AGBL4: variants seen among roughly 807,000 people sequenced by gnomAD.
AGBL4 encodes the protein AGBL carboxypeptidase 4.
Under a neutral mutation model 66.4 loss-of-function variants are expected in AGBL4, and 58 were observed. The ratio of observed to expected loss-of-function variants is 0.87; its 90% CI spans 0.71 to 1.09. The LOEUF (loss-of-function observed/expected upper bound fraction) is 1.09, where lower values mean the gene tolerates loss of function less well. AGBL4 is among the 50% of genes least tolerant of loss of function. AGBL4 has a pLI of 0.00. For synonymous variants in AGBL4, 234 were observed against 222.9 expected, an observed-to-expected ratio of 1.05 and a Z score of -0.44; for missense variants, 579 against 631.0, an observed-to-expected ratio of 0.92 and a Z score of 0.88.
chr1:48,528,405 G>T (rs185106972), downstream of AGBL4, among the ~76,000 whole-genome samples: 5 of 152,178 alleles, frequency 3.3e-5, no homozygotes, highest in Non-Finnish European at 5.9e-5. Context: ...ATTGACATGG[G>T]GTCAGCTAAA....
Position 48,641,869 on chromosome 1 carries a change from T to G in AGBL4, c.840-7265A>C, listed in dbSNP as rs527992543. The stretch of plus-strand genomic sequence containing the variant: ...TCAGGTAAGAGCCTAATAGAGGGAC[T>G]GTCCCTCATGTGCAGTGAGAGGTAG... On this transcript the variant is annotated intron_variant, in intron 8 of 13. Coordinates refer to ENST00000371839, the MANE Select transcript of AGBL4 (RefSeq NM_032785.4). 1.6e-4 allele frequency among the ~76,000 whole-genome samples: 24 copies of G among 152,330 alleles called. No individual in the cohort carries two copies. The East Asian group carries it at 4.4e-3, about 28-fold the overall frequency.
intron 3 of AGBL4, among the ~76,000 whole-genome samples, chr1:49,327,049 C>G (rs1347521500): frequency 6.6e-6 from 1 of 152,150 alleles, no homozygotes; most frequent in African/African-American, 2.4e-5. Flanking sequence ...CTCTCTCTCT[C>G]TGGCCTTTCT....
intron 7 of AGBL4, 116 bp from the exon 8 acceptor site, chr1:48,653,567 A>G (rs1282173490): frequency 2.8e-6 from 2 of 704,538 alleles, no homozygotes; most frequent in Non-Finnish European, 2.5e-6. Flanking sequence ...CTGTGTTGTT[A>G]TTGGCCACTG....
intron 6 of AGBL4, among the ~76,000 whole-genome samples, chr1:48,751,188 A>G (rs1014720658): frequency 1.3e-5 from 2 of 152,180 alleles, no homozygotes; most frequent in Non-Finnish European, 2.9e-5. Context: ...GAATTGTCCA[A>G]TTGGTATCTT....
intron 5 of AGBL4, among the ~76,000 whole-genome samples, chr1:49,006,520 C>A (rs1372888965): frequency 2.0e-5 from 3 of 152,212 alleles, no homozygotes; most frequent in Non-Finnish European, 4.4e-5. Context: ...TGGGTGGAGC[C>A]CACCACAGCT....
intron 3 of AGBL4, among the ~76,000 whole-genome samples, chr1:49,548,057 C>T (rs998235106): frequency 6.6e-6 from 1 of 152,150 alleles, no homozygotes; most frequent in African/African-American, 2.4e-5. Flanking sequence ...CAGGCATGAG[C>T]CACTATACCT....
intron 3 of AGBL4, among the ~76,000 whole-genome samples, chr1:49,499,031 T>C (rs2148759515): frequency 6.6e-6 from 1 of 152,182 alleles, no homozygotes; most frequent in African/African-American, 2.4e-5. Context: ...TCTCTGACAG[T>C]GTCCTTGTAT....
intron 5 of AGBL4, among the ~76,000 whole-genome samples, chr1:48,996,887 T>G (rs1661055404): frequency 6.8e-6 from 1 of 146,992 alleles, no homozygotes; most frequent in African/African-American, 2.6e-5. Flanking sequence ...ATATAAAATA[T>G]TATTGCTAAT....
rs532206814 is a variant in AGBL4 at position 49,904,144 on chromosome 1, A to T, written c.35-52626T>A. ...CTTTCCACTGTATCATACTAAATCC[A>T]TTCATATGGATACTTTTCTTCACCT... is the stretch of plus-strand genomic sequence containing the variant. On this transcript the variant is annotated intron_variant, in intron 1 of 13. Coordinates refer to ENST00000371839, the MANE Select transcript of AGBL4 (RefSeq NM_032785.4). 2.8e-4 allele frequency among the ~76,000 whole-genome samples: 43 copies of T among 152,270 alleles called. No homozygotes were observed. The South Asian group carries it at 8.3e-3, about 29-fold the overall frequency.
chr1:50,007,700 A>G (rs1010067409), intron 1 of AGBL4, among the ~76,000 whole-genome samples: 2 of 152,210 alleles, frequency 1.3e-5, no homozygotes, highest in Non-Finnish European at 2.9e-5. Context: ...CCAGGATGTC[A>G]AGACTGAGTG....
chr1:50,023,738 C>A (rs1003607034), intron 1 of AGBL4, 25 bp downstream of exon 1: 16 of 1,546,132 alleles, frequency 1.0e-5, no homozygotes, highest in African/African-American at 6.9e-5. Context: ...CCTCAGCCTT[C>A]CCCAGATCGG....
chr1:49,280,439 G>A (rs929339033), intron 3 of AGBL4, among the ~76,000 whole-genome samples: 4 of 152,162 alleles, frequency 2.6e-5, no homozygotes, highest in African/African-American at 9.7e-5. Context: ...GGAGGGCAGT[G>A]AGTGAATGTC....
At chr1:49,076,183 T>C (rs510764) in intron 4 of AGBL4, among the ~76,000 whole-genome samples, 102,878 of 152,014 alleles carry the variant, frequency 0.68, 35,346 homozygotes, top group African/African-American at 0.75. Context: ...TCACTACAGT[T>C]ATCCCTCAGT....
chr1:48,614,648 A>C (rs900862), intron 9 of AGBL4, among the ~76,000 whole-genome samples: 44,094 of 152,078 alleles, frequency 0.29, 6,579 homozygotes, highest in Middle Eastern at 0.36. Flanking sequence ...CTTCCCCCTC[A>C]CTTTTAACAT....
intron 5 of AGBL4, among the ~76,000 whole-genome samples, chr1:49,040,177 C>A (rs966978306): frequency 7.2e-5 from 11 of 151,956 alleles, no homozygotes; most frequent in Admixed American, 3.3e-4. Flanking sequence ...TTTGAACTGA[C>A]ACTTCACCAA....
chr1:49,559,569 A>G (rs1643984898), intron 3 of AGBL4, among the ~76,000 whole-genome samples: 1 of 152,176 alleles, frequency 6.6e-6, no homozygotes, highest in South Asian at 2.1e-4. Flanking sequence ...GGCTGCCAGC[A>G]CAGCTAGAAA....
chr1:48,910,977 G>T (rs1326560260), intron 5 of AGBL4, among the ~76,000 whole-genome samples: 1 of 152,306 alleles, frequency 6.6e-6, no homozygotes, highest in East Asian at 1.9e-4. Context: ...CCTGCATGTG[G>T]CTTTGTTGGC....
At chr1:49,645,157 T>A (rs1645860136) in intron 3 of AGBL4, among the ~76,000 whole-genome samples, 1 of 151,420 alleles carries the variant, frequency 6.6e-6, no homozygotes, top group Admixed American at 6.6e-5. Context: ...AGGCCTCAAC[T>A]TAATGACCTT....
intron 3 of AGBL4, among the ~76,000 whole-genome samples, chr1:49,477,827 G>A (rs1253665942): frequency 6.6e-6 from 1 of 151,596 alleles, no homozygotes; most frequent in Non-Finnish European, 1.5e-5. Context: ...CACAGAGAAG[G>A]AATTGATAAT....
Sources: allele counts gnomAD v4.1 joint callset (sites outside exome capture counted in the v4.1 genomes callset), GRCh38; gene constraint gnomAD v4.1.1; transcripts MANE v1.5; gene names NCBI Gene and HGNC (gene_info 2026-07-23, HGNC 2026-07-21).